The following ILRUN variants were observed in gnomAD, a reference collection of about 807,000 sequenced individuals.
ILRUN encodes inflammation and lipid regulator with UBA-like and NBR1-like domains.
In ILRUN, 3 loss-of-function variants were observed where a neutral mutation model predicts 33.8. The ratio of observed to expected loss-of-function variants is 0.09; its 90% CI spans 0.04 to 0.23. ILRUN has a LOEUF of 0.23. ILRUN is among the 10% of genes least tolerant of loss of function. The pLI is 1.00. For synonymous variants in ILRUN, 124 were observed against 138.9 expected (o/e 0.89, Z 0.75); for missense variants, 210 against 375.1 (o/e 0.56, Z 3.64).
At chr6:34,625,763 C>T (rs539464036) in intron 3 of ILRUN, among the ~76,000 whole-genome samples, 1 of 152,026 alleles carries the variant, frequency 6.6e-6, no homozygotes, top group Admixed American at 6.6e-5. Flanking sequence ...GTAAAGTTTC[C>T]CATATTTGAG....
In ILRUN at chr6:34,683,477, T is replaced by TATATATAC. The variant is rs1562033096; in HGVS notation, c.158+12968_158+12969insGTATATAT. Among the ~76,000 whole-genome samples, 34 of 102,174 alleles carry TATATATAC rather than the reference T, an allele frequency of 3.3e-4. No homozygotes were observed. In the South Asian group the frequency reaches 3.4e-3, roughly 10 times the overall value. The allele number at this position is 102,174 out of a possible 152,430, so 67.0% of individuals were successfully genotyped here. A position where few individuals can be genotyped will look rare whatever the true frequency, so the allele number is the denominator to read the frequency against. On this transcript the variant is annotated intron_variant, in intron 1 of 4. Coordinates refer to ENST00000374023, the MANE Select transcript of ILRUN (RefSeq NM_024294.4). ...ACATATATATACATATATATACACA[T>TATATATAC]ATATATATACATATATATATACATA...
At chr6:34,601,390 A>G (rs982203894) in intron 4 of ILRUN, among the ~76,000 whole-genome samples, 4 of 150,872 alleles carry the variant, frequency 2.7e-5, no homozygotes, top group African/African-American at 9.7e-5. Context: ...AACCATCTTT[A>G]AACCTTTCAT....
In ILRUN at chr6:34,588,390, G is replaced by A. The variant is rs1032780368; in HGVS notation, c.*2175C>T. 1 of 396,970 alleles carries A rather than the reference G, an allele frequency of 2.5e-6. No individual in the cohort carries two copies. The highest frequency in any genetic ancestry group is 4.4e-5 in the Admixed American group (1 of 22,686). 24.6% of individuals were successfully genotyped at this position (396,970 alleles called of 1,614,324 possible). On this transcript the variant is annotated 3_prime_UTR_variant, in exon 5 of 5. Transcript: ENST00000374023. ...GGGCACCCAGTGTTGGGCAGAAGAGGAAGTCAGGAAAGCAGGGGTTGTGAA... is the reference window on the plus strand; with the variant it reads ...GGGCACCCAGTGTTGGGCAGAAGAGAAAGTCAGGAAAGCAGGGGTTGTGAA...
At chr6:34,598,846 G>T (rs1761453526) in intron 4 of ILRUN, among the ~76,000 whole-genome samples, 1 of 152,182 alleles carries the variant, frequency 6.6e-6, no homozygotes, top group Admixed American at 6.5e-5. Context: ...AAGGCTGCGA[G>T]GACTTTACTG....
intron 3 of ILRUN, among the ~76,000 whole-genome samples, chr6:34,645,634 A>T (rs960949333): frequency 6.6e-6 from 1 of 152,162 alleles, no homozygotes; most frequent in African/African-American, 2.4e-5. Context: ...AGCCTCCCAA[A>T]GTGCTGGGAT....
At chr6:34,595,521 T>G (rs17700462) in intron 4 of ILRUN, among the ~76,000 whole-genome samples, 1,957 of 152,264 alleles carry the variant, frequency 0.013, 31 homozygotes, top group Non-Finnish European at 0.02. Flanking sequence ...GACTCAGGTA[T>G]CAGTAAAATG....
chr6:34,670,844 CAAAAAAA>C (rs201024054), intron 1 of ILRUN, among the ~76,000 whole-genome samples: 1 of 58,554 alleles, frequency 1.7e-5, no homozygotes, highest in Non-Finnish European at 3.6e-5. Context: ...GACCCTGTCT[CAAAAAAA>C]AAAAAAAAAA....
At position 34,683,898 on chromosome 6, in the gene ILRUN, A is replaced by G. The variant is rs554203249; in HGVS notation, c.158+12548T>C. ...GGCAACATGGCAAGACCCTGTCTCTACTAAAAATACAAAAACATAACCGGC... is the reference window on the plus strand; with the variant it reads ...GGCAACATGGCAAGACCCTGTCTCTGCTAAAAATACAAAAACATAACCGGC... On this transcript the variant is annotated intron_variant, in intron 1 of 4. Transcript: ENST00000374023. 5.1e-3 allele frequency among the ~76,000 whole-genome samples: 777 copies of G among 152,186 alleles called. 5 individuals carry two copies. Among genetic ancestry groups the G allele is most frequent in the African/African-American group, 0.015 (618 of 41,518 alleles).
intron 3 of ILRUN, chr6:34,616,922 G>A: frequency 1.7e-6 from 1 of 600,108 alleles, no homozygotes; most frequent in Non-Finnish European, 3.2e-6. Context: ...GAGGATTGTA[G>A]AACCATATAT....
chr6:34,634,963 T>C (rs149834390), intron 3 of ILRUN, among the ~76,000 whole-genome samples: 1 of 152,206 alleles, frequency 6.6e-6, no homozygotes, highest in African/African-American at 2.4e-5. Context: ...ATGGTGGCTA[T>C]TGAGTACTTG....
chr6:34,662,592 C>T (rs1157957812), intron 1 of ILRUN, among the ~76,000 whole-genome samples: 1 of 152,154 alleles, frequency 6.6e-6, no homozygotes, highest in East Asian at 1.9e-4. Context: ...AAACACATAA[C>T]ATTACGGATG....
Position 34,654,788 on chromosome 6 carries a change from A to T in ILRUN, c.159-9T>A. Reference sequence around the variant, plus strand: ...TTGCTGCTTGTAGGTTCCTATAGAAAAAGAGAAAAGGCAACAGACTTCAGT... The same window carrying T: ...TTGCTGCTTGTAGGTTCCTATAGAATAAGAGAAAAGGCAACAGACTTCAGT... On this transcript the variant is annotated splice_polypyrimidine_tract_variant and intron_variant, in intron 1 of 4. Coordinates refer to ENST00000374023, the MANE Select transcript of ILRUN (RefSeq NM_024294.4). The T allele has an allele frequency of 1.9e-6, 3 of 1,610,978 alleles. No homozygotes were observed. Among genetic ancestry groups the T allele is most frequent in the Non-Finnish European group, 2.5e-6 (3 of 1,179,070 alleles).
intron 2 of ILRUN, among the ~76,000 whole-genome samples, chr6:34,652,270 G>T (rs1254553575): frequency 6.6e-6 from 1 of 152,074 alleles, no homozygotes; most frequent in Non-Finnish European, 1.5e-5. Flanking sequence ...GAACAAGTAA[G>T]AATTTCAAGA....
At chr6:34,600,559 A>G (rs1306442987) in intron 4 of ILRUN, among the ~76,000 whole-genome samples, 1 of 152,236 alleles carries the variant, frequency 6.6e-6, no homozygotes, top group Non-Finnish European at 1.5e-5. Context: ...GAATATAGAC[A>G]GGTTTGGTTT....
chr6:34,644,596 T>C (rs920392615), intron 3 of ILRUN, among the ~76,000 whole-genome samples: 1 of 152,226 alleles, frequency 6.6e-6, no homozygotes. Flanking sequence ...TCTCTACATT[T>C]TGATACGTGA....
rs1235009218 is a variant in ILRUN at position 34,683,451 on chromosome 6, T to TAC, written c.158+12993_158+12994dup. On this transcript the variant is annotated intron_variant, in intron 1 of 4. Transcript: ENST00000374023. ...ATACATATATATATACATATATATA[T>TAC]ACATATATATACATATATATACACA... is the stretch of plus-strand genomic sequence containing the variant. Among the ~76,000 whole-genome samples, 9 of 99,268 alleles carry TAC rather than the reference T, an allele frequency of 9.1e-5. No homozygotes were observed. The East Asian group carries it at 1.3e-3, about 14-fold the overall frequency. The allele number at this position is 99,268 out of a possible 152,430, so 65.1% of individuals were successfully genotyped here. A position where few individuals can be genotyped will look rare whatever the true frequency, so the allele number is the denominator to read the frequency against.
chr6:34,694,221 A>G (rs1369989823), intron 1 of ILRUN, among the ~76,000 whole-genome samples: 2 of 152,184 alleles, frequency 1.3e-5, no homozygotes, highest in African/African-American at 4.8e-5. Context: ...TATAAAATTC[A>G]TTACACTGCT....
intron 2 of ILRUN, among the ~76,000 whole-genome samples, chr6:34,652,267 T>C (rs1195336434): frequency 6.6e-6 from 1 of 152,158 alleles, no homozygotes; most frequent in East Asian, 1.9e-4. Flanking sequence ...TTTGAACAAG[T>C]AAGAATTTCA....
At chr6:34,677,435 T>C (rs1456745561) in intron 1 of ILRUN, among the ~76,000 whole-genome samples, 1 of 152,088 alleles carries the variant, frequency 6.6e-6, no homozygotes, top group Non-Finnish European at 1.5e-5. Flanking sequence ...TTAGGAGTCA[T>C]GAAAAACAGA....
Sources: allele counts gnomAD v4.1 joint callset (sites outside exome capture counted in the v4.1 genomes callset), GRCh38; gene constraint gnomAD v4.1.1; transcripts MANE v1.5; gene names NCBI Gene and HGNC (gene_info 2026-07-23, HGNC 2026-07-21).